SPMAP2L: variants seen among roughly 807,000 people sequenced by gnomAD.
The protein encoded by SPMAP2L is sperm microtubule associated protein 2-like.
chr4:56,619,595 T>G, the SPMAP2L span, among the ~76,000 whole-genome samples: 1 of 152,238 alleles, frequency 6.6e-6, no homozygotes, highest in Admixed American at 6.5e-5. Context: ...CTGAAGGATA[T>G]TCTGTTGTGT....
the SPMAP2L span, among the ~76,000 whole-genome samples, chr4:56,533,287 A>G: frequency 1.3e-5 from 2 of 151,978 alleles, no homozygotes; most frequent in Non-Finnish European, 2.9e-5. Flanking sequence ...CAGTCAATTT[A>G]TTTTCCAGCT....
At chr4:56,571,980 T>C in the SPMAP2L span, among the ~76,000 whole-genome samples, 117 of 152,304 alleles carry the variant, frequency 7.7e-4, 1 homozygote, top group Middle Eastern at 3.4e-3. Flanking sequence ...TCATCTCCTA[T>C]GATAAAAGGC....
the SPMAP2L span, among the ~76,000 whole-genome samples, chr4:56,616,894 TGTG>T: frequency 6.6e-6 from 1 of 152,202 alleles, no homozygotes; most frequent in Non-Finnish European, 1.5e-5. Flanking sequence ...TTTTATTTAT[TGTG>T]GTAAGAACAC....
chr4:56,625,570 C>T, the SPMAP2L span, among the ~76,000 whole-genome samples: 4 of 152,074 alleles, frequency 2.6e-5, no homozygotes, highest in African/African-American at 4.8e-5. Context: ...CAGTCTTTCC[C>T]GTGCTATTCT....
At chr4:56,593,407 A>G in the SPMAP2L span, 1 of 1,387,534 alleles carries the variant, frequency 7.2e-7, no homozygotes, top group South Asian at 1.2e-5. Context: ...ACCCTGTGAA[A>G]TGGACTTCAG....
At chr4:56,554,260 T>C in the SPMAP2L span, among the ~76,000 whole-genome samples, 5 of 152,212 alleles carry the variant, frequency 3.3e-5, no homozygotes, top group African/African-American at 9.6e-5. Context: ...AAGAAACTAC[T>C]AAGCTCTTCT....
chr4:56,613,627 T>C, the SPMAP2L span, among the ~76,000 whole-genome samples: 1 of 152,160 alleles, frequency 6.6e-6, no homozygotes, highest in Non-Finnish European at 1.5e-5. Context: ...GCTTGGATCA[T>C]TGGAAAACAC....
the SPMAP2L span, among the ~76,000 whole-genome samples, chr4:56,612,590 G>A: frequency 9.8e-6 from 1 of 102,558 alleles, no homozygotes; most frequent in South Asian, 3.1e-4. Context: ...TTTTTTTCAA[G>A]ACAGTCTCAC....
the SPMAP2L span, among the ~76,000 whole-genome samples, chr4:56,610,186 T>C: frequency 1.2e-3 from 188 of 152,272 alleles, no homozygotes; most frequent in Non-Finnish European, 2.0e-3. Flanking sequence ...TATCACATTA[T>C]CTGATTTCAA....
the SPMAP2L span, among the ~76,000 whole-genome samples, chr4:56,581,135 T>C: frequency 1.2e-4 from 18 of 151,974 alleles, no homozygotes; most frequent in African/African-American, 4.1e-4. Flanking sequence ...CTTAACATAA[T>C]GAGACCTCAT....
At chr4:56,553,083 A>T in the SPMAP2L span, among the ~76,000 whole-genome samples, 20 of 151,858 alleles carry the variant, frequency 1.3e-4, no homozygotes, top group African/African-American at 4.1e-4. Flanking sequence ...GTCTCCAGCA[A>T]GCTGGACCCT....
chr4:56,607,085 G>A, the SPMAP2L span, among the ~76,000 whole-genome samples: 1 of 152,154 alleles, frequency 6.6e-6, no homozygotes, highest in Non-Finnish European at 1.5e-5. Context: ...AAACAGGATA[G>A]AGAGTGCTCT....
chr4:56,555,635 A>G, the SPMAP2L span, among the ~76,000 whole-genome samples: 15 of 152,042 alleles, frequency 9.9e-5, no homozygotes, highest in African/African-American at 2.9e-4. Context: ...TGATTATTTC[A>G]TTAGAGTTTT....
chr4:56,595,150 A>G, the SPMAP2L span: 2 of 1,611,608 alleles, frequency 1.2e-6, no homozygotes, highest in Admixed American at 3.3e-5. Context: ...AGCCACGGAA[A>G]CTGCGATATT....
chr4:56,557,713 G>C, the SPMAP2L span: 1 of 152,180 alleles, frequency 6.6e-6, no homozygotes, highest in African/African-American at 2.4e-5. Context: ...TTGTGATGGT[G>C]TCAGACTTGG....
chr4:56,581,114 G>A, the SPMAP2L span, among the ~76,000 whole-genome samples: 4 of 151,666 alleles, frequency 2.6e-5, no homozygotes, highest in Non-Finnish European at 5.9e-5. Context: ...AGGGAAGGAG[G>A]AAAAGAGGAA....
chr4:56,568,643 T>C, the SPMAP2L span, among the ~76,000 whole-genome samples: 1 of 152,084 alleles, frequency 6.6e-6, no homozygotes, highest in Non-Finnish European at 1.5e-5. Flanking sequence ...CTGGGCAAAA[T>C]AGTGAGACCC....
chr4:56,578,783 CA>C, the SPMAP2L span, among the ~76,000 whole-genome samples: 1 of 135,276 alleles, frequency 7.4e-6, no homozygotes, highest in African/African-American at 3.5e-5. Flanking sequence ...AGAGTCAATC[CA>C]TTAAAAAGAC....
the SPMAP2L span, among the ~76,000 whole-genome samples, chr4:56,599,829 G>C: frequency 6.6e-6 from 1 of 152,082 alleles, no homozygotes; most frequent in Non-Finnish European, 1.5e-5. Context: ...TTGGTTCCAG[G>C]TATTTGCTAT....
Sources: gnomAD v4.1 joint callset for allele counts (sites outside exome capture counted in the v4.1 genomes callset) on GRCh38, gnomAD v4.1.1 for gene constraint, MANE v1.5 for transcripts, NCBI Gene and HGNC (gene_info 2026-07-23, HGNC 2026-07-21) for gene names.